The following ZNF484 variants were observed in gnomAD, a reference collection of about 807,000 sequenced individuals.
The protein encoded by ZNF484 is KRAB box containing C2H2 type zinc finger bA526D8.4.
ZNF484 carries 11 observed loss-of-function variants against 12.9 expected under a neutral mutation model. The ratio of observed to expected loss-of-function variants is 0.85; its 90% confidence interval spans 0.54 to 1.41. ZNF484 has a LOEUF of 1.41. Ranked by LOEUF, ZNF484 falls within the 40% of genes most tolerant of loss-of-function variation. The probability of loss-of-function intolerance (pLI) is 0.00; values close to 1 mark genes in which losing one functional copy is unlikely to be tolerated. For missense variants in ZNF484, 807 were observed against 1,007.7 expected (o/e 0.80, Z 2.70); for synonymous variants, 289 against 334.1 (o/e 0.86, Z 1.47).
rs770108161 is a variant in ZNF484 at position 92,847,705 on chromosome 9, C to T, written c.1082G>A (p.Cys361Tyr). The T allele has an allele frequency of 5.6e-6, 9 of 1,613,446 alleles. No homozygotes were observed. The African/African-American group carries it at 6.7e-5, about 12-fold the overall frequency. The change falls in exon 5 of 5, where the codon TGT becomes TAT. Residue 361 changes from cysteine (C) to tyrosine (Y), a missense_variant. Coordinates refer to ENST00000375495, the MANE Select transcript of ZNF484 (RefSeq NM_031486.4). ...TGAATTCTGAGGGAGGTTTTTCTCA[C>T]ATTCACTGTACTCATAAGGTTTTTC... Reference protein sequence around the residue: ...SGEKPYEYSECEKNLPQNSNL... With the variant: ...SGEKPYEYSEYEKNLPQNSNL...
At chr9:92,864,448 A>C (rs1022834) in intron 2 of ZNF484, among the ~76,000 whole-genome samples, 60,451 of 151,584 alleles carry the variant, frequency 0.4, 12,617 homozygotes, top group African/African-American at 0.51. Context: ...ACAACAACAA[A>C]AAAAAAAGGT....
chr9:92,855,649 C>T (rs577466779), intron 4 of ZNF484, among the ~76,000 whole-genome samples, 162 bp downstream of exon 4: 6 of 152,326 alleles, frequency 3.9e-5, no homozygotes, highest in Admixed American at 2.0e-4. Flanking sequence ...GTGGGGTTAG[C>T]ATTTAGCTAT....
chr9:92,871,539 T>G (rs956920468), intron 2 of ZNF484, among the ~76,000 whole-genome samples: 1 of 152,176 alleles, frequency 6.6e-6, no homozygotes, highest in African/African-American at 2.4e-5. Flanking sequence ...GAATGAAAAT[T>G]TCTGAAACTT....
At chr9:92,862,963 A>C (rs1856861563) in intron 2 of ZNF484, among the ~76,000 whole-genome samples, 1 of 152,164 alleles carries the variant, frequency 6.6e-6, no homozygotes, top group Non-Finnish European at 1.5e-5. Context: ...AGATACACGC[A>C]TGCATATGTT....
chr9:92,866,792 C>T (rs1297037743), intron 2 of ZNF484, among the ~76,000 whole-genome samples: 1 of 152,190 alleles, frequency 6.6e-6, no homozygotes, highest in East Asian at 1.9e-4. Flanking sequence ...ACATGTACAA[C>T]ATGGAATAGT....
chr9:92,864,824 C>T (rs551803854), intron 2 of ZNF484, among the ~76,000 whole-genome samples: 2 of 152,094 alleles, frequency 1.3e-5, no homozygotes, highest in African/African-American at 4.8e-5. Context: ...AACCAGATTA[C>T]ATTCATTAAT....
chr9:92,862,940 C>A (rs1587752332), intron 2 of ZNF484, among the ~76,000 whole-genome samples: 1 of 152,224 alleles, frequency 6.6e-6, no homozygotes, highest in South Asian at 2.1e-4. Flanking sequence ...GAATATAAAT[C>A]ATTCTGTTAT....
At chr9:92,855,937 A>G in intron 3 of ZNF484, 34 bp from the exon 4 acceptor site, 1 of 1,607,594 alleles carries the variant, frequency 6.2e-7, no homozygotes, top group Non-Finnish European at 8.5e-7. Context: ...ACTTGATTTC[A>G]GAGGCCATAC....
rs765438220 is a variant in ZNF484 at position 92,855,926 on chromosome 9, G to T, written c.143-23C>A. On this transcript the variant is annotated intron_variant, in intron 3 of 4. Coordinates refer to ENST00000375495, the MANE Select transcript of ZNF484 (RefSeq NM_031486.4). The stretch of plus-strand genomic sequence containing the variant: ...ATCCTGTTAACAGGGGATGATAGAG[G>T]ACTTGATTTCAGAGGCCATACAATG... 15 of 1,611,206 alleles carry T rather than the reference G, an allele frequency of 9.3e-6. No individual in the cohort carries two copies. In the East Asian group the frequency reaches 3.3e-4, roughly 36 times the overall value.
intron 2 of ZNF484, among the ~76,000 whole-genome samples, chr9:92,870,214 G>A (rs1261154955): frequency 2.0e-5 from 3 of 152,098 alleles, no homozygotes; most frequent in Non-Finnish European, 2.9e-5. Flanking sequence ...TGTGTCTTTC[G>A]GCCTCATATA....
chr9:92,868,195 A>G (rs1399997456), intron 2 of ZNF484, among the ~76,000 whole-genome samples: 3 of 152,198 alleles, frequency 2.0e-5, no homozygotes, highest in African/African-American at 7.2e-5. Flanking sequence ...TTGAGACTCA[A>G]GAGATCTAAC....
In ZNF484 at chr9:92,855,971, C is replaced by CA. The variant is rs907953003; in HGVS notation, c.143-69dup. 5.2e-6 allele frequency: 8 copies of CA among 1,548,504 alleles called. No individual in the cohort carries two copies. The East Asian group carries it at 1.6e-4, about 30-fold the overall frequency. Reference sequence around the variant, plus strand: ...ACAATGAAGCATTCCATTTTTTTCCCAAAAAAGTTCACTGGGAACAGAGGA... The same window carrying CA: ...ACAATGAAGCATTCCATTTTTTTCCCAAAAAAAGTTCACTGGGAACAGAGGA... On this transcript the variant is annotated intron_variant, in intron 3 of 4. Transcript: ENST00000375495.
At chr9:92,859,912 A>G (rs1856678873) in intron 2 of ZNF484, among the ~76,000 whole-genome samples, 1 of 152,220 alleles carries the variant, frequency 6.6e-6, no homozygotes, top group South Asian at 2.1e-4. Context: ...CAGTGGAGTC[A>G]TATGGACAGC....
rs189792331 is a variant in ZNF484, at chr9:92,863,977, T to G, written c.16-7659A>C. Among the ~76,000 whole-genome samples the G allele has an allele frequency of 2.0e-5, 3 of 152,304 alleles. No homozygotes were observed. In the East Asian group the frequency reaches 5.8e-4, roughly 29 times the overall value. ...AAGAAGAGGTGTCAGCAATAAAAAC[T>G]GAGAAATCGGACAGAGCCAGGAGAG... On this transcript the variant is annotated intron_variant, in intron 2 of 4. Transcript: ENST00000375495.
Position 92,844,689 on chromosome 9 carries a change from A to G in ZNF484, c.*1539T>C, listed in dbSNP as rs1855488440. 6.6e-6 allele frequency among the ~76,000 whole-genome samples: 1 copy of G among 152,224 alleles called. No homozygotes were observed. Among genetic ancestry groups the G allele is most frequent in the Admixed American group, 6.5e-5 (1 of 15,282 alleles). On this transcript the variant is annotated 3_prime_UTR_variant, in exon 5 of 5. Transcript: ENST00000375495. The stretch of plus-strand genomic sequence containing the variant: ...AAAACAACTTTCAACTTAGAATTCT[A>G]TATTCAGTAAAAGTATCCTTCAAAA...
intron 2 of ZNF484, among the ~76,000 whole-genome samples, chr9:92,868,392 A>G (rs371390227): frequency 4.6e-5 from 7 of 152,212 alleles, no homozygotes; most frequent in South Asian, 2.1e-4. Context: ...TGGCTTCATC[A>G]TTCAGGAGCT....
intron 2 of ZNF484, among the ~76,000 whole-genome samples, chr9:92,857,715 C>T (rs917335257): frequency 1.3e-5 from 2 of 152,182 alleles, no homozygotes; most frequent in South Asian, 4.1e-4. Flanking sequence ...TCCCTTCCCT[C>T]CATTTGCTAA....
chr9:92,876,602 T>G (rs748935253), intron 1 of ZNF484, among the ~76,000 whole-genome samples: 2 of 152,194 alleles, frequency 1.3e-5, no homozygotes, highest in Non-Finnish European at 2.9e-5. Flanking sequence ...GTGTTTTTCT[T>G]GGAATTCGAT....
At chr9:92,867,513 CAAA>C (rs1178402409) in intron 2 of ZNF484, among the ~76,000 whole-genome samples, 1 of 151,926 alleles carries the variant, frequency 6.6e-6, no homozygotes, top group Non-Finnish European at 1.5e-5. Context: ...ACAACAACAA[CAAA>C]AAAACAAACC....
Sources: gnomAD v4.1 joint callset for allele counts (sites outside exome capture counted in the v4.1 genomes callset) on GRCh38, gnomAD v4.1.1 for gene constraint, MANE v1.5 for transcripts, NCBI Gene and HGNC (gene_info 2026-07-23, HGNC 2026-07-21) for gene names.